ARHGAP42: variants seen among roughly 807,000 people sequenced by gnomAD.
The protein encoded by ARHGAP42 is Rho GTPase activating protein 42.
ARHGAP42 carries 63 observed loss-of-function variants against 125.0 expected under a neutral mutation model. The observed-to-expected ratio is 0.50, with a 90% CI of 0.41 to 0.62. The LOEUF (loss-of-function observed/expected upper bound fraction) is 0.62, where lower values mean the gene tolerates loss of function less well. Among genes scored for constraint, ARHGAP42 ranks in the 20% least tolerant of loss-of-function variants. The probability of loss-of-function intolerance (pLI) is 0.00; values close to 1 mark genes in which losing one functional copy is unlikely to be tolerated. For synonymous variants in ARHGAP42, 339 were observed against 351.0 expected, an observed-to-expected ratio of 0.97 and a Z score of 0.38; for missense variants, 766 against 1,024.2, an observed-to-expected ratio of 0.75 and a Z score of 3.44.
At chr11:100,839,712 G>C (rs1489992480) in intron 3 of ARHGAP42, 1 of 152,204 alleles carries the variant, frequency 6.6e-6, no homozygotes, top group Admixed American at 6.6e-5. Flanking sequence ...GGCTAGGCTG[G>C]TGTCCCGTTC....
At chr11:100,976,788 G>C (rs181583388) in intron 20 of ARHGAP42, 27 bp from the exon 21 acceptor site, 18 of 1,548,368 alleles carry the variant, frequency 1.2e-5, no homozygotes, top group Middle Eastern at 2.2e-4. Context: ...ATAGCACCTT[G>C]CCTATTTTCT....
intron 4 of ARHGAP42, among the ~76,000 whole-genome samples, chr11:100,904,635 TCCCACCTGACCTC>T (rs758303051): frequency 7.9e-5 from 12 of 152,108 alleles, no homozygotes; most frequent in Admixed American, 6.6e-5. Context: ...CTCCTTCAAC[TCCCACCTGACCTC>T]CCCACCTTTT....
intron 3 of ARHGAP42, among the ~76,000 whole-genome samples, chr11:100,805,958 A>G (rs1482916949): frequency 6.6e-6 from 1 of 152,154 alleles, no homozygotes; most frequent in African/African-American, 2.4e-5. Flanking sequence ...TCTTGTGCCA[A>G]CCTTCACTCC....
intron 3 of ARHGAP42, among the ~76,000 whole-genome samples, chr11:100,852,465 G>C (rs548787529): frequency 2.5e-4 from 38 of 152,142 alleles, no homozygotes; most frequent in Non-Finnish European, 1.5e-5. Context: ...TACTTAGTAG[G>C]GAATACCAAG....
chr11:100,972,005 A>T (rs899422426), intron 17 of ARHGAP42, among the ~76,000 whole-genome samples: 1 of 152,192 alleles, frequency 6.6e-6, no homozygotes, highest in Non-Finnish European at 1.5e-5. Context: ...TGATTATATT[A>T]AAAGGAAACT....
At chr11:100,887,606 G>T (rs1440447070) in intron 4 of ARHGAP42, among the ~76,000 whole-genome samples, 2 of 152,192 alleles carry the variant, frequency 1.3e-5, no homozygotes, top group African/African-American at 2.4e-5. Context: ...GAGCTATCAT[G>T]CAGTGTAACT....
At chr11:100,700,955 T>C (rs960726283) in intron 1 of ARHGAP42, among the ~76,000 whole-genome samples, 1 of 152,250 alleles carries the variant, frequency 6.6e-6, no homozygotes, top group African/African-American at 2.4e-5. Context: ...CTATGGCAGC[T>C]ATAGCCTTAC....
chr11:100,722,478 C>A (rs1861777357), intron 1 of ARHGAP42, among the ~76,000 whole-genome samples: 3 of 151,630 alleles, frequency 2.0e-5, no homozygotes, highest in Admixed American at 2.0e-4. Flanking sequence ...ACAACCTGCA[C>A]CTCCCAGGTT....
rs1368779345 is a variant in ARHGAP42 at position 100,990,594 on chromosome 11, C to T, written c.*1793C>T. The T allele has an allele frequency of 6.6e-6, 1 of 152,464 alleles. No homozygotes were observed. The highest frequency in any genetic ancestry group is 2.4e-5 in the African/African-American group (1 of 41,440). 9.4% of individuals were successfully genotyped at this position (152,464 alleles called of 1,614,324 possible). A position where few individuals can be genotyped will look rare whatever the true frequency, so the allele number is the denominator to read the frequency against. On this transcript the variant is annotated 3_prime_UTR_variant, in exon 24 of 24. Coordinates refer to ENST00000298815, the MANE Select transcript of ARHGAP42 (RefSeq NM_152432.4). Reference sequence around the variant, plus strand: ...GAGTATCTTTTTCTTTTATCTCTTACTGTTGACCTCTGTGCACTGTAATAA... The same window carrying T: ...GAGTATCTTTTTCTTTTATCTCTTATTGTTGACCTCTGTGCACTGTAATAA...
At chr11:100,720,547 A>G (rs1330825043) in intron 1 of ARHGAP42, among the ~76,000 whole-genome samples, 2 of 152,194 alleles carry the variant, frequency 1.3e-5, no homozygotes, top group Non-Finnish European at 2.9e-5. Flanking sequence ...GTCCAGTCAT[A>G]TAAAAGTGAA....
intron 2 of ARHGAP42, among the ~76,000 whole-genome samples, chr11:100,789,646 A>G (rs556192485): frequency 6.6e-6 from 1 of 152,342 alleles, no homozygotes; most frequent in African/African-American, 2.4e-5. Flanking sequence ...TTGCATGGTT[A>G]CATAACGTAC....
intron 2 of ARHGAP42, among the ~76,000 whole-genome samples, chr11:100,778,290 T>C (rs1295271495): frequency 3.3e-5 from 5 of 152,178 alleles, no homozygotes; most frequent in Non-Finnish European, 5.9e-5. Flanking sequence ...AGCTGAACTC[T>C]TCTAAAAGAG....
At chr11:100,853,726 A>T (rs1591239715) in intron 3 of ARHGAP42, among the ~76,000 whole-genome samples, 2 of 152,260 alleles carry the variant, frequency 1.3e-5, no homozygotes, top group East Asian at 3.9e-4. Flanking sequence ...GGTTTTATTT[A>T]AAAAATAGCA....
intron 12 of ARHGAP42, among the ~76,000 whole-genome samples, chr11:100,956,401 G>A (rs1251743469): frequency 6.6e-6 from 1 of 152,086 alleles, no homozygotes; most frequent in Non-Finnish European, 1.5e-5. Flanking sequence ...TCTCAACATT[G>A]TTTTCACTCT....
chr11:100,783,720 A>G (rs190775402), intron 2 of ARHGAP42, among the ~76,000 whole-genome samples: 107 of 152,202 alleles, frequency 7.0e-4, no homozygotes, highest in Admixed American at 1.4e-3. Flanking sequence ...GCCAGTGCCA[A>G]TGCTGTGCAA....
At chr11:100,741,866 G>C (rs1862194159) in intron 1 of ARHGAP42, among the ~76,000 whole-genome samples, 1 of 152,102 alleles carries the variant, frequency 6.6e-6, no homozygotes, top group African/African-American at 2.4e-5. Flanking sequence ...TTGTACTAGG[G>C]ACTGCAATGT....
chr11:100,926,484 A>G (rs638004), intron 6 of ARHGAP42, among the ~76,000 whole-genome samples: 137,480 of 152,266 alleles, frequency 0.9, 62,264 homozygotes, highest in East Asian at 1. Flanking sequence ...GTGTAGTTAT[A>G]TTAATTCCTT....
intron 4 of ARHGAP42, among the ~76,000 whole-genome samples, chr11:100,905,998 C>G (rs1866725691): frequency 6.6e-6 from 1 of 152,192 alleles, no homozygotes; most frequent in South Asian, 2.1e-4. Flanking sequence ...ATACCTTCTC[C>G]ATTCCATTTG....
chr11:100,727,515 C>T (rs1861882264), intron 1 of ARHGAP42, among the ~76,000 whole-genome samples: 1 of 152,166 alleles, frequency 6.6e-6, no homozygotes, highest in South Asian at 2.1e-4. Context: ...AAGCCTTGAA[C>T]TTTCAGCTCC....
Sources: gnomAD v4.1 joint callset for allele counts (sites outside exome capture counted in the v4.1 genomes callset) on GRCh38, gnomAD v4.1.1 for gene constraint, MANE v1.5 for transcripts, NCBI Gene and HGNC (gene_info 2026-07-23, HGNC 2026-07-21) for gene names.